MED16: variants seen among roughly 807,000 people sequenced by gnomAD.
The protein encoded by MED16 is mediator of RNA polymerase II transcription subunit 16.
In MED16, 81 loss-of-function variants were observed where a neutral mutation model predicts 84.4. The ratio of observed to expected loss-of-function variants is 0.96; its 90% CI spans 0.80 to 1.15. The LOEUF (loss-of-function observed/expected upper bound fraction) is 1.15, where lower values mean the gene tolerates loss of function less well. MED16 is among the 50% of genes most tolerant of loss of function. MED16 has a pLI of 0.00. For missense variants in MED16, 1,585 were observed against 1,245.9 expected (o/e 1.27, Z -4.10); for synonymous variants, 897 against 552.2 (o/e 1.62, Z -8.76).
intron 7 of MED16, 93 bp from the exon 8 acceptor site, chr19:880,241 G>T: frequency 8.0e-7 from 1 of 1,248,750 alleles, no homozygotes; most frequent in Non-Finnish European, 1.1e-6. Context: ...TGGAGAGCCG[G>T]GGCTGCCCAT....
Position 885,803 on chromosome 19 carries a change from G to A in MED16, c.846C>T (p.His282=), listed in dbSNP as rs753147556. 1.2e-6 allele frequency: 2 copies of A among 1,612,282 alleles called. No individual in the cohort carries two copies. The highest frequency in any genetic ancestry group is 1.7e-6 in the Non-Finnish European group (2 of 1,179,886). Residue 282 remains histidine, a synonymous_variant, in exon 5 of 16, where the codon CAC becomes CAT. Transcript: ENST00000325464. ...ACATGTCCCGGGCCAGGAACTTGAG[G>A]TGGGTGATGGCGGGAAACTTGTCCT... ...NRKDKFPAIT[H]LKFLARDMSE...
rs1418445934 is a variant in MED16, at chr19:873,550, C to T, written c.1804G>A (p.Glu602Lys). The T allele has an allele frequency of 6.2e-7, 1 of 1,612,428 alleles. No individual in the cohort carries two copies. Among genetic ancestry groups the T allele is most frequent in the Non-Finnish European group, 8.5e-7 (1 of 1,179,720 alleles). Residue 602 changes from glutamate to lysine, a missense_variant, in exon 11 of 16, where the codon GAG becomes AAG. Transcript: ENST00000325464. Reference protein sequence around the residue: ...IDKVMINLKTEEFVLDMNTLQ... With the variant: ...IDKVMINLKTKEFVLDMNTLQ... ...GTGTTCATGTCCAGCACAAATTCCTCCGTCTTGAGGTTGATCATGACCTTG... is the reference window on the plus strand; with the variant it reads ...GTGTTCATGTCCAGCACAAATTCCTTCGTCTTGAGGTTGATCATGACCTTG...
chr19:873,367 A>T, intron 11 of MED16, 82 bp downstream of exon 11: 1 of 1,255,456 alleles, frequency 8.0e-7, no homozygotes. Flanking sequence ...GGTGGTTTTG[A>T]GGGGCAGGGG....
At chr19:884,253 C>T (rs906103595) in intron 6 of MED16, among the ~76,000 whole-genome samples, 2 of 152,212 alleles carry the variant, frequency 1.3e-5, no homozygotes, top group African/African-American at 2.4e-5. Context: ...GAAAACCAAG[C>T]GGCTGTTCTG....
chr19:868,302 G>A (rs2035963945), intron 15 of MED16, 51 bp from the exon 16 acceptor site: 2 of 1,587,970 alleles, frequency 1.3e-6, no homozygotes, highest in Non-Finnish European at 1.7e-6. Context: ...AGGGCGAGCG[G>A]TGGCTCTTGC....
At chr19:873,382 G>A in intron 11 of MED16, 67 bp downstream of exon 11, 1 of 1,516,800 alleles carries the variant, frequency 6.6e-7, no homozygotes, top group East Asian at 2.3e-5. Flanking sequence ...CAGGGGCAGG[G>A]AAGCGGGGTC....
In MED16 at chr19:876,915, C is replaced by CCCCCACCTGCCACGGGG. The variant is rs1568324646; in HGVS notation, c.1560+58_1560+59insCCCCGTGGCAGGTGGGG. The CCCCCACCTGCCACGGGG allele has an allele frequency of 9.8e-6, 14 of 1,433,518 alleles. No individual in the cohort carries two copies. In the African/African-American group the frequency reaches 1.8e-4, roughly 19 times the overall value. The allele number at this position is 1,433,518 out of a possible 1,614,324, so 88.8% of individuals were successfully genotyped here. On this transcript the variant is annotated intron_variant, in intron 9 of 15. Coordinates refer to ENST00000325464, the MANE Select transcript of MED16 (RefSeq NM_005481.3). ...CCACGGGGCCCCACCTGCCACGGGGCCCCCACCTGCCACAGGGCCCCCACC... is the reference window on the plus strand; with the variant it reads ...CCACGGGGCCCCACCTGCCACGGGGCCCCCACCTGCCACGGGGCCCCACCTGCCACAGGGCCCCCACC...
chr19:877,185 C>T lies in MED16; in HGVS notation c.1354-5G>A, dbSNP rs748904336. 6.2e-7 allele frequency: 1 copy of T among 1,604,600 alleles called. No individual in the cohort carries two copies. The highest frequency in any genetic ancestry group is 8.5e-7 in the Non-Finnish European group (1 of 1,177,282). Reference sequence around the variant, plus strand: ...TGAGAGGCGGAGCACGCTCAGCTGCCAGAGACAGAGCCCAAGGAGAGCCCG... The same window carrying T: ...TGAGAGGCGGAGCACGCTCAGCTGCTAGAGACAGAGCCCAAGGAGAGCCCG... On this transcript the variant is annotated splice_region_variant and splice_polypyrimidine_tract_variant and intron_variant, in intron 8 of 15. Coordinates refer to ENST00000325464, the MANE Select transcript of MED16 (RefSeq NM_005481.3).
Position 891,167 on chromosome 19 carries a change from G to A in MED16, c.-18-18C>T. On this transcript the variant is annotated intron_variant, in intron 1 of 15. Coordinates refer to ENST00000325464, the MANE Select transcript of MED16 (RefSeq NM_005481.3). ...ACCAGCTCCTGCGGGAGGGAGGTGT[G>A]GTGGGACGTCTATGTTGGCTGAGCA... is the stretch of plus-strand genomic sequence containing the variant. The A allele has an allele frequency of 2.5e-6, 4 of 1,592,026 alleles. No homozygotes were observed. Among genetic ancestry groups the A allele is most frequent in the East Asian group, 2.2e-5 (1 of 44,458 alleles).
rs780076530 is a variant in MED16, at chr19:880,039, C to G, written c.1251G>C (p.Pro417=). 1.9e-6 allele frequency: 3 copies of G among 1,610,928 alleles called. No individual in the cohort carries two copies. Among genetic ancestry groups the G allele is most frequent in the African/African-American group, 1.3e-5 (1 of 75,034 alleles). ...CCGCGGTGCGGGGGCGCTTCATGGC[C>G]GGCTCATCCACAGGCCTCGGGGCCG... ...SSAAPRPVDE[P]AMKRPRTAGP... Residue 417 remains proline (P), a synonymous_variant, in exon 8 of 16, where the codon CCG becomes CCC. Transcript: ENST00000325464.
chr19:880,027 G>A lies in MED16; in HGVS notation c.1263C>T (p.Arg421=), dbSNP rs764355331. ...PRPVDEPAMK[R]PRTAGPAVHL... ...GGACGGCGGGGCCCGCGGTGCGGGGGCGCTTCATGGCCGGCTCATCCACAG... is the reference window on the plus strand; with the variant it reads ...GGACGGCGGGGCCCGCGGTGCGGGGACGCTTCATGGCCGGCTCATCCACAG... Residue 421 remains arginine, a synonymous_variant, in exon 8 of 16, where the codon CGC becomes CGT. Coordinates refer to ENST00000325464, the MANE Select transcript of MED16 (RefSeq NM_005481.3). 24 of 1,610,778 alleles carry A rather than the reference G, an allele frequency of 1.5e-5. No homozygotes were observed. The highest frequency in any genetic ancestry group is 2.2e-5 in the South Asian group (2 of 90,808).
At chr19:892,872 TGAGCCCCGAGCCCC>T (rs553768614) in intron 1 of MED16, 200 bp downstream of exon 1, 1 of 103,012 alleles carries the variant, frequency 9.7e-6, no homozygotes, top group East Asian at 2.8e-4. Flanking sequence ...CCGCAAACCC[TGAGCCCCGAGCCCC>T]GCGCCCCGCG....
rs1307737476 is a variant in MED16, at chr19:881,626, C to T, written c.1074G>A (p.Lys358=). ...LDRVSAVALP[K]LPISLTNTDL... Reference sequence around the variant, plus strand: ...CGGTGTTGGTGAGCGAGATGGGCAGCTTGGGCAGCGCCACGGCCGACACAC... The same window carrying T: ...CGGTGTTGGTGAGCGAGATGGGCAGTTTGGGCAGCGCCACGGCCGACACAC... Residue 358 remains lysine, a synonymous_variant, in exon 7 of 16, where the codon AAG becomes AAA. Transcript: ENST00000325464. 4.3e-6 allele frequency: 7 copies of T among 1,612,728 alleles called. No homozygotes were observed. The highest frequency in any genetic ancestry group is 8.5e-7 in the Non-Finnish European group (1 of 1,179,914).
chr19:868,181 G>C lies in MED16; in HGVS notation c.2554C>G (p.Gln852Glu), dbSNP rs1216563581. ...TGGTGTGTGGACTGCGGGCCCAGCT[G>C]GACAAAGGCAGGGGCTTCCTCAGAA... ...RASEEAPAFV[Q>E]LGPQSTHHSP... Residue 852 changes from glutamine (Q) to glutamate (E), a missense_variant, in exon 16 of 16, where the codon CAG becomes GAG. Physicochemically the swap from Gln to Glu is conservative, Grantham distance 29. Coordinates refer to ENST00000325464, the MANE Select transcript of MED16 (RefSeq NM_005481.3). 1 of 1,609,706 alleles carries C rather than the reference G, an allele frequency of 6.2e-7. No individual in the cohort carries two copies. The highest frequency in any genetic ancestry group is 1.1e-5 in the South Asian group (1 of 90,614).
chr19:875,445 T>C lies in MED16; in HGVS notation c.1570A>G (p.Thr524Ala). The change falls in exon 10 of 16, where the codon ACC becomes GCC. Residue 524 changes from threonine to alanine, a missense_variant. Thr to Ala is a moderately conservative substitution (Grantham distance 58). Coordinates refer to ENST00000325464, the MANE Select transcript of MED16 (RefSeq NM_005481.3). ...QTAALQQVLS[T>A]RILAMKASLC... ...GAGGCCTTCATGGCCAGGATCCGGG[T>C]GGAGAGGACCTGAGGGCAGGAAGCC... is the stretch of plus-strand genomic sequence containing the variant. 2 of 1,601,088 alleles carry C rather than the reference T, an allele frequency of 1.2e-6. No individual in the cohort carries two copies. The highest frequency in any genetic ancestry group is 1.7e-6 in the Non-Finnish European group (2 of 1,179,344).
chr19:886,247 G>A (rs1242730828), intron 4 of MED16, 46 bp from the exon 5 acceptor site: 2 of 1,455,008 alleles, frequency 1.4e-6, no homozygotes, highest in African/African-American at 1.4e-5. Flanking sequence ...AGGCTCATGG[G>A]GGCTGCCCCA....
In MED16 at chr19:881,682, G is replaced by A. The variant is rs556826884; in HGVS notation, c.1018C>T (p.Arg340Trp). Residue 340 changes from arginine to tryptophan, a missense_variant, in exon 7 of 16, where the codon CGG (arginine) becomes TGG (tryptophan). Physicochemically the swap from Arg to Trp is moderately radical, Grantham distance 101. Transcript: ENST00000325464. The stretch of plus-strand genomic sequence containing the variant: ...AGATCGTTGGTGGCCGATAGGATCC[G>A]CCATTTGAGAATTGTGGGCTGTTTG... ...GDKQPTILKW[R>W]ILSATNDLDR... is the part of the protein sequence containing the mutation. 12 of 1,611,884 alleles carry A rather than the reference G, an allele frequency of 7.4e-6. No homozygotes were observed. The highest frequency in any genetic ancestry group is 1.1e-5 in the South Asian group (1 of 91,074).
chr19:868,822 C>G (rs752859155), intron 14 of MED16, 41 bp downstream of exon 14: 2 of 1,525,798 alleles, frequency 1.3e-6, no homozygotes, highest in Non-Finnish European at 1.8e-6. Flanking sequence ...CCATCCCCAG[C>G]GGCACATCTC....
chr19:877,051 C>G lies in MED16; in HGVS notation c.1483G>C (p.Val495Leu). ...GYDWWDILLH[V>L]QPSMVQSLVE... The stretch of plus-strand genomic sequence containing the variant: ...AGGCTCTGTACCATACTGGGCTGCA[C>G]GTGCAGCAGGATGTCCCACCAGTCG... The change falls in exon 9 of 16, where the codon GTG (valine) becomes CTG (leucine). Residue 495 changes from valine (V) to leucine (L), a missense_variant. Coordinates refer to ENST00000325464, the MANE Select transcript of MED16 (RefSeq NM_005481.3). 6.2e-7 allele frequency: 1 copy of G among 1,612,614 alleles called. No individual in the cohort carries two copies. Among genetic ancestry groups the G allele is most frequent in the Non-Finnish European group, 8.5e-7 (1 of 1,179,914 alleles).
Sources: allele counts gnomAD v4.1 joint callset (sites outside exome capture counted in the v4.1 genomes callset), GRCh38; gene constraint gnomAD v4.1.1; transcripts MANE v1.5; gene names NCBI Gene and HGNC (gene_info 2026-07-23, HGNC 2026-07-21).